The following PAX8 variants were observed in gnomAD, a reference collection of about 807,000 sequenced individuals.
PAX8 encodes the protein paired box 8, also known as paired box protein Pax-8.
A neutral mutation model predicts 52.4 loss-of-function variants in PAX8; 15 were observed. The observed-to-expected ratio is 0.29, with a 90% CI of 0.19 to 0.44. PAX8 has a LOEUF of 0.44. Ranked by LOEUF, PAX8 falls within the 20% of genes least tolerant of loss-of-function variation. The pLI, the probability that PAX8 is intolerant of heterozygous loss-of-function variation, is 1.00. For synonymous variants in PAX8, 284 were observed against 249.7 expected, an observed-to-expected ratio of 1.14 and a Z score of -1.29; for missense variants, 554 against 602.5, an observed-to-expected ratio of 0.92 and a Z score of 0.84.
At chr2:113,265,985 G>A (rs1693024590) in intron 2 of PAX8, 1 of 152,258 alleles carries the variant, frequency 6.6e-6, no homozygotes, top group Non-Finnish European at 1.5e-5. Context: ...CCAAGTGCTG[G>A]GAAGTCAGAG....
chr2:113,241,890 G>T, intron 6 of PAX8, 118 bp downstream of exon 6: 2 of 1,449,204 alleles, frequency 1.4e-6, no homozygotes, highest in Non-Finnish European at 1.9e-6. Flanking sequence ...ACATGTGACA[G>T]TCACATGCAG....
At chr2:113,235,636 G>T in intron 8 of PAX8, 54 bp from the exon 9 acceptor site, 2 of 1,442,728 alleles carry the variant, frequency 1.4e-6, no homozygotes, top group South Asian at 1.3e-5. Flanking sequence ...GGCGGGGAGG[G>T]AACACGCACA....
intron 9 of PAX8, among the ~76,000 whole-genome samples, chr2:113,234,369 T>C (rs530277849): frequency 6.6e-6 from 1 of 152,326 alleles, no homozygotes; most frequent in Admixed American, 6.5e-5. Flanking sequence ...ACTCATGCAG[T>C]GCAGGCCCAG....
chr2:113,274,933 G>A (rs982497704), intron 2 of PAX8: 1 of 152,176 alleles, frequency 6.6e-6, no homozygotes, highest in African/African-American at 2.4e-5. Context: ...TTAGAGATTT[G>A]AGGCCATAAA....
intron 8 of PAX8, chr2:113,235,896 C>A (rs949695407): frequency 9.6e-5 from 37 of 384,552 alleles, no homozygotes; most frequent in African/African-American, 7.1e-4. Flanking sequence ...CCCCTCGGCC[C>A]ACCTTGAGGC....
chr2:113,243,183 T>A (rs1257522472), intron 4 of PAX8, among the ~76,000 whole-genome samples: 1 of 152,202 alleles, frequency 6.6e-6, no homozygotes, highest in Admixed American at 6.5e-5. Flanking sequence ...CTCTTGGCCC[T>A]TTCTAAGTGA....
chr2:113,263,717 G>A (rs1462692889), intron 2 of PAX8, among the ~76,000 whole-genome samples: 1 of 152,120 alleles, frequency 6.6e-6, no homozygotes, highest in African/African-American at 2.4e-5. Flanking sequence ...CAAAAAGAAG[G>A]GCTGTGCCCC....
At chr2:113,237,434 T>G (rs925931517) in intron 7 of PAX8, 25 of 152,214 alleles carry the variant, frequency 1.6e-4, no homozygotes, top group Non-Finnish European at 2.9e-5. Context: ...ATTTTTCGGC[T>G]GTGGACCCAG....
intron 2 of PAX8, among the ~76,000 whole-genome samples, chr2:113,250,538 A>C (rs906714940): frequency 3.3e-5 from 5 of 152,150 alleles, no homozygotes; most frequent in African/African-American, 1.2e-4. Context: ...GGATTGAACT[A>C]AGAATTTATG....
chr2:113,220,046 C>A, intron 11 of PAX8, 46 bp downstream of exon 11: 1 of 1,427,956 alleles, frequency 7.0e-7, no homozygotes, highest in Non-Finnish European at 9.8e-7. Flanking sequence ...CCCCACCACT[C>A]CATCCATCCT....
chr2:113,226,077 G>A, intron 10 of PAX8: 1 of 985,756 alleles, frequency 1.0e-6, no homozygotes, highest in Non-Finnish European at 1.2e-6. Context: ...TTCCCAGGGA[G>A]CACAGAGCAT....
Position 113,217,916 on chromosome 2 carries a change from G to A in PAX8, c.*617C>T, listed in dbSNP as rs1176066510. On this transcript the variant is annotated 3_prime_UTR_variant, in exon 12 of 12. Coordinates refer to ENST00000429538, the MANE Select transcript of PAX8 (RefSeq NM_003466.4). ...CTGACAGCCTGGTGGAATTTCTGAGGGACTCGCTCCAGCCCTCAGCCCATG... is the reference window on the plus strand; with the variant it reads ...CTGACAGCCTGGTGGAATTTCTGAGAGACTCGCTCCAGCCCTCAGCCCATG... 1 of 233,206 alleles carries A rather than the reference G, an allele frequency of 4.3e-6. No homozygotes were observed. Among genetic ancestry groups the A allele is most frequent in the African/African-American group, 2.2e-5 (1 of 45,324 alleles). The allele number at this position is 233,206 out of a possible 1,614,324, so 14.4% of individuals were successfully genotyped here. A position where few individuals can be genotyped will look rare whatever the true frequency, so the allele number is the denominator to read the frequency against.
intron 7 of PAX8, chr2:113,237,490 C>G (rs1289356616): frequency 5.9e-5 from 9 of 152,192 alleles, no homozygotes; most frequent in African/African-American, 2.2e-4. Context: ...TCTCCACATC[C>G]AAACAAATAG....
chr2:113,218,721 T>G, intron 11 of PAX8, 112 bp from the exon 12 acceptor site: 1 of 647,274 alleles, frequency 1.5e-6, no homozygotes, highest in Non-Finnish European at 2.7e-6. Flanking sequence ...AATCATTCAT[T>G]TCTCTGGCCT....
intron 2 of PAX8, 94 bp downstream of exon 2, chr2:113,278,276 C>A (rs1028923932): frequency 1.9e-6 from 2 of 1,054,772 alleles, no homozygotes; most frequent in South Asian, 2.7e-5. Context: ...CCGCGAATCC[C>A]GTGCTGACGC....
At position 113,218,402 on chromosome 2, in the gene PAX8, G is replaced by A; in HGVS notation, c.*131C>T. On this transcript the variant is annotated 3_prime_UTR_variant, in exon 12 of 12. Coordinates refer to ENST00000429538, the MANE Select transcript of PAX8 (RefSeq NM_003466.4). Reference sequence around the variant, plus strand: ...TGGTTCATTAAATTAACCACACAGGGAGTGTGCCGCAATGCTGGACTTGTG... The same window carrying A: ...TGGTTCATTAAATTAACCACACAGGAAGTGTGCCGCAATGCTGGACTTGTG... 3.7e-6 allele frequency: 2 copies of A among 547,560 alleles called. No homozygotes were observed. Among genetic ancestry groups the A allele is most frequent in the African/African-American group, 1.9e-5 (1 of 52,384 alleles). The allele number at this position is 547,560 out of a possible 1,614,324, so 33.9% of individuals were successfully genotyped here.
At chr2:113,242,916 CTG>C in intron 4 of PAX8, 138 bp from the exon 5 acceptor site, 1 of 709,494 alleles carries the variant, frequency 1.4e-6, no homozygotes, top group Non-Finnish European at 2.6e-6. Flanking sequence ...ACAGTCAAGT[CTG>C]TGACCCTACT....
At chr2:113,226,204 G>A (rs1460354963) in intron 10 of PAX8, 2 of 985,324 alleles carry the variant, frequency 2.0e-6, no homozygotes, top group East Asian at 2.3e-4. Flanking sequence ...TGCCGGCAAG[G>A]AAGGGAAGCA....
intron 2 of PAX8, chr2:113,269,476 C>T (rs141750561): frequency 6.6e-6 from 1 of 152,410 alleles, no homozygotes; most frequent in East Asian, 1.9e-4. Flanking sequence ...TTCTGCGGGT[C>T]TGCCTTCTTG....
Sources: gnomAD v4.1 joint callset for allele counts (sites outside exome capture counted in the v4.1 genomes callset) on GRCh38, gnomAD v4.1.1 for gene constraint, MANE v1.5 for transcripts, NCBI Gene and HGNC (gene_info 2026-07-23, HGNC 2026-07-21) for gene names.